TFEC: variants seen among roughly 807,000 people sequenced by gnomAD.
TFEC encodes class E basic helix-loop-helix protein 34.
In TFEC, 31 loss-of-function variants were observed where a neutral mutation model predicts 41.6. The ratio of observed to expected loss-of-function variants is 0.74; its 90% CI spans 0.56 to 1.01. TFEC has a LOEUF of 1.01. Among genes scored for constraint, TFEC ranks in the 50% least tolerant of loss-of-function variants. The probability of loss-of-function intolerance (pLI) is 0.00; values close to 1 mark genes in which losing one functional copy is unlikely to be tolerated. For missense variants in TFEC, 402 were observed against 404.1 expected, an observed-to-expected ratio of 0.99 and a Z score of 0.04; for synonymous variants, 143 against 140.6, an observed-to-expected ratio of 1.02 and a Z score of -0.12.
chr7:116,066,337 C>G (rs964652009), intron 3 of TFEC, among the ~76,000 whole-genome samples: 1 of 152,020 alleles, frequency 6.6e-6, no homozygotes, highest in East Asian at 1.9e-4. Flanking sequence ...ATATAACTTA[C>G]GTCTTTCTTT....
At position 115,936,626 on chromosome 7, in the gene TFEC, T is replaced by C. The variant is rs150169637; in HGVS notation, c.*3925A>G. Reference sequence around the variant, plus strand: ...AGTGTTTCCATGATGCCTTGAAGTATAAGAAAATTCCTATATGACTCAGTT... The same window carrying C: ...AGTGTTTCCATGATGCCTTGAAGTACAAGAAAATTCCTATATGACTCAGTT... On this transcript the variant is annotated 3_prime_UTR_variant, in exon 8 of 8. Transcript: ENST00000265440. 1.3e-5 allele frequency: 2 copies of C among 151,786 alleles called. No individual in the cohort carries two copies. Among genetic ancestry groups the C allele is most frequent in the Non-Finnish European group, 3.0e-5 (2 of 67,654 alleles). 9.4% of individuals were successfully genotyped at this position (151,786 alleles called of 1,614,324 possible).
At chr7:116,059,744 A>T (rs1456019350) in intron 3 of TFEC, among the ~76,000 whole-genome samples, 3 of 152,048 alleles carry the variant, frequency 2.0e-5, no homozygotes, top group African/African-American at 7.2e-5. Flanking sequence ...TGATATGATC[A>T]GCTCAGTAGA....
At chr7:115,968,101 C>T (rs1792956231) in intron 3 of TFEC, 6 of 1,356,178 alleles carry the variant, frequency 4.4e-6, no homozygotes, top group Admixed American at 2.6e-5. Context: ...ATTTTATTGA[C>T]TATAAGTTTA....
intron 6 of TFEC, among the ~76,000 whole-genome samples, chr7:115,947,366 G>A (rs1241352973): frequency 6.6e-6 from 1 of 151,222 alleles, no homozygotes; most frequent in African/African-American, 2.4e-5. Flanking sequence ...TGTGAATAAT[G>A]CTGCAATAAA....
chr7:116,120,807 A>T (rs1183485200), intron 1 of TFEC, among the ~76,000 whole-genome samples: 1 of 151,934 alleles, frequency 6.6e-6, no homozygotes, highest in African/African-American at 2.4e-5. Flanking sequence ...ATGCCATTTT[A>T]TATCTTCACT....
In TFEC at chr7:116,027,967, T is replaced by G. The variant is rs566097271; in HGVS notation, c.-73+2666A>C. ...ACAGAAACCTAACGGGTCTTTAAGATCATTAGGCTCAACTTCCCTCTATTT... is the reference window on the plus strand; with the variant it reads ...ACAGAAACCTAACGGGTCTTTAAGAGCATTAGGCTCAACTTCCCTCTATTT... On this transcript the variant is annotated intron_variant, in intron 1 of 7. Transcript: ENST00000265440. 7.8e-3 allele frequency among the ~76,000 whole-genome samples: 1,194 copies of G among 152,190 alleles called. 16 individuals carry two copies. The highest frequency in any genetic ancestry group is 0.027 in the African/African-American group (1,123 of 41,532).
intron 1 of TFEC, among the ~76,000 whole-genome samples, chr7:116,019,798 C>G (rs1335412539): frequency 6.6e-6 from 1 of 152,186 alleles, no homozygotes; most frequent in East Asian, 1.9e-4. Context: ...AATCTCTTAT[C>G]TGATCCCTTA....
chr7:116,010,662 C>T (rs1794966701), intron 1 of TFEC, among the ~76,000 whole-genome samples: 1 of 152,270 alleles, frequency 6.6e-6, no homozygotes, highest in Non-Finnish European at 1.5e-5. Flanking sequence ...GAAGAACCTA[C>T]TTAGAAGACA....
At chr7:115,976,483 CAT>C (rs1200081574) in intron 2 of TFEC, among the ~76,000 whole-genome samples, 3 of 152,196 alleles carry the variant, frequency 2.0e-5, no homozygotes, top group African/African-American at 7.2e-5. Context: ...CAAATAGACA[CAT>C]GTGGTTCATG....
intron 1 of TFEC, among the ~76,000 whole-genome samples, chr7:116,145,270 C>T (rs1798619319): frequency 6.6e-6 from 1 of 152,144 alleles, no homozygotes; most frequent in South Asian, 2.1e-4. Flanking sequence ...AAAATTCATG[C>T]TCATGAGAGA....
intron 1 of TFEC, among the ~76,000 whole-genome samples, chr7:116,151,175 T>A (rs1423508109): frequency 6.6e-6 from 1 of 151,942 alleles, no homozygotes; most frequent in Non-Finnish European, 1.5e-5. Flanking sequence ...CAATCTTAAA[T>A]TCAAAATAGA....
intron 3 of TFEC, among the ~76,000 whole-genome samples, chr7:116,104,457 A>G (rs1036208674): frequency 3.3e-5 from 5 of 152,182 alleles, no homozygotes; most frequent in Admixed American, 2.6e-4. Context: ...TAGCATAAGC[A>G]TGGCTACCAT....
chr7:115,992,688 G>A (rs1393218682), intron 1 of TFEC, among the ~76,000 whole-genome samples: 1 of 152,082 alleles, frequency 6.6e-6, no homozygotes, highest in Admixed American at 6.5e-5. Flanking sequence ...CCAATAACAG[G>A]CTCTGAAATT....
intron 6 of TFEC, among the ~76,000 whole-genome samples, chr7:115,950,590 TA>T (rs2130347445): frequency 6.6e-6 from 1 of 152,240 alleles, no homozygotes; most frequent in Admixed American, 6.5e-5. Flanking sequence ...ACATTATCAC[TA>T]AATTTGACAA....
intron 3 of TFEC, among the ~76,000 whole-genome samples, chr7:116,063,471 C>T (rs543236964): frequency 2.0e-5 from 3 of 151,478 alleles, no homozygotes; most frequent in Admixed American, 6.6e-5. Flanking sequence ...ATACAAAAAT[C>T]GGCTGGGCTT....
intron 3 of TFEC, among the ~76,000 whole-genome samples, chr7:116,055,490 T>TTTATA (rs1354951478): frequency 6.6e-6 from 1 of 152,038 alleles, no homozygotes; most frequent in Non-Finnish European, 1.5e-5. Context: ...ATATGGTGAT[T>TTTATA]TTATAATCCA....
At chr7:115,950,196 G>A (rs1020561628) in intron 6 of TFEC, among the ~76,000 whole-genome samples, 1 of 151,930 alleles carries the variant, frequency 6.6e-6, no homozygotes, top group Admixed American at 6.6e-5. Context: ...ATTTTTAATA[G>A]AGACAGAGTT....
At chr7:116,045,736 C>G (rs1260223796) in intron 3 of TFEC, among the ~76,000 whole-genome samples, 2 of 152,230 alleles carry the variant, frequency 1.3e-5, no homozygotes, top group Admixed American at 1.3e-4. Flanking sequence ...CGGTCACCAT[C>G]CTCAAGACCC....
intron 3 of TFEC, among the ~76,000 whole-genome samples, chr7:115,962,505 G>C (rs1199977553): frequency 6.6e-6 from 1 of 151,570 alleles, no homozygotes; most frequent in African/African-American, 2.4e-5. Context: ...ATAGACCTAG[G>C]GAGTATAATA....
Sources: gnomAD v4.1 joint callset for allele counts (sites outside exome capture counted in the v4.1 genomes callset) on GRCh38, gnomAD v4.1.1 for gene constraint, MANE v1.5 for transcripts, NCBI Gene and HGNC (gene_info 2026-07-23, HGNC 2026-07-21) for gene names.